FLI1: variants seen among roughly 807,000 people sequenced by gnomAD.
FLI1 encodes Fli-1 proto-oncogene, ETS transcription factor, also known as Friend leukemia integration 1 transcription factor.
FLI1 carries 13 observed loss-of-function variants against 53.1 expected under a neutral mutation model. The ratio of observed to expected loss-of-function variants is 0.24; its 90% CI spans 0.16 to 0.39. The LOEUF (loss-of-function observed/expected upper bound fraction) is 0.39. FLI1 is among the 10% of genes least tolerant of loss of function. The pLI, the probability that FLI1 is intolerant of heterozygous loss-of-function variation, is 1.00. For missense variants in FLI1, 424 were observed against 600.5 expected, an observed-to-expected ratio of 0.71 and a Z score of 3.07; for synonymous variants, 244 against 236.7, an observed-to-expected ratio of 1.03 and a Z score of -0.28.
chr11:128,695,574 T>G (rs1478996124), intron 1 of FLI1, among the ~76,000 whole-genome samples: 4 of 152,038 alleles, frequency 2.6e-5, no homozygotes, highest in African/African-American at 9.7e-5. Flanking sequence ...ATTTTCTAAG[T>G]TTTTTTTATG....
chr11:128,723,843 A>G (rs1238261877), intron 1 of FLI1, among the ~76,000 whole-genome samples: 1 of 152,142 alleles, frequency 6.6e-6, no homozygotes, highest in Non-Finnish European at 1.5e-5. Flanking sequence ...AAAACATCAC[A>G]AAAACCCAAC....
At chr11:128,794,468 G>T (rs1942371801) in intron 5 of FLI1, among the ~76,000 whole-genome samples, 2 of 151,978 alleles carry the variant, frequency 1.3e-5, no homozygotes, top group South Asian at 4.1e-4. Context: ...TCTATCTGGA[G>T]AGAGAGAGAG....
At chr11:128,702,518 A>T (rs1213520400) in intron 1 of FLI1, among the ~76,000 whole-genome samples, 1 of 152,236 alleles carries the variant, frequency 6.6e-6, no homozygotes, top group Non-Finnish European at 1.5e-5. Flanking sequence ...TCAGCCAAGG[A>T]TATTTCTTCT....
At chr11:128,727,337 G>T (rs1016483631) in intron 1 of FLI1, among the ~76,000 whole-genome samples, 2 of 152,188 alleles carry the variant, frequency 1.3e-5, no homozygotes, top group Non-Finnish European at 2.9e-5. Context: ...ATCAATAATG[G>T]CTAGTATTAT....
intron 1 of FLI1, among the ~76,000 whole-genome samples, chr11:128,688,374 G>A (rs1406342943): frequency 6.6e-6 from 1 of 152,254 alleles, no homozygotes; most frequent in Non-Finnish European, 1.5e-5. Context: ...CAGCCACAAA[G>A]TTTGTATTGT....
intron 5 of FLI1, among the ~76,000 whole-genome samples, chr11:128,796,800 C>T (rs761397662): frequency 2.6e-5 from 4 of 152,270 alleles, no homozygotes; most frequent in African/African-American, 9.6e-5. Flanking sequence ...CATGGTGAAA[C>T]CCCGTCTCTA....
intron 2 of FLI1, among the ~76,000 whole-genome samples, chr11:128,765,719 G>A (rs1158586837): frequency 6.6e-6 from 1 of 152,202 alleles, no homozygotes; most frequent in African/African-American, 2.4e-5. Context: ...CACTTGGACT[G>A]TTTCACAACT....
chr11:128,751,069 G>T (rs2135794370), intron 1 of FLI1, among the ~76,000 whole-genome samples: 1 of 152,292 alleles, frequency 6.6e-6, no homozygotes, highest in Non-Finnish European at 1.5e-5. Flanking sequence ...CCAGAGACAG[G>T]CAGAGGACTG....
intron 1 of FLI1, among the ~76,000 whole-genome samples, chr11:128,700,624 A>T (rs139820146): frequency 6.6e-6 from 1 of 152,354 alleles, no homozygotes; most frequent in Non-Finnish European, 1.5e-5. Context: ...CTGTAATCCC[A>T]GTTCTTTGGG....
At chr11:128,793,348 C>T (rs1226494962) in intron 5 of FLI1, among the ~76,000 whole-genome samples, 1 of 151,942 alleles carries the variant, frequency 6.6e-6, no homozygotes, top group Non-Finnish European at 1.5e-5. Context: ...CTCCAGCTGC[C>T]CCACCCTGCC....
intron 2 of FLI1, among the ~76,000 whole-genome samples, chr11:128,765,670 C>A (rs932347199): frequency 6.6e-6 from 1 of 152,192 alleles, no homozygotes; most frequent in Non-Finnish European, 1.5e-5. Context: ...ACCTTGCTCA[C>A]TTGGTTGCAG....
chr11:128,805,151 A>G, intron 5 of FLI1: 1 of 428,940 alleles, frequency 2.3e-6, no homozygotes, highest in Non-Finnish European at 4.1e-6. Flanking sequence ...GGTTCTTCCC[A>G]TTACTTTGGC....
At chr11:128,708,209 T>C (rs1292249586) in intron 1 of FLI1, among the ~76,000 whole-genome samples, 1 of 152,186 alleles carries the variant, frequency 6.6e-6, no homozygotes, top group Non-Finnish European at 1.5e-5. Context: ...GAGCGTTACA[T>C]GAGACACAAG....
chr11:128,757,092 C>A (rs1007910581), intron 1 of FLI1, among the ~76,000 whole-genome samples: 3 of 146,888 alleles, frequency 2.0e-5, no homozygotes, highest in African/African-American at 5.2e-5. Context: ...TTCTTTCTTT[C>A]TTTCTTTCTT....
Position 128,812,934 on chromosome 11 carries a change from G to A in FLI1, c.*1946G>A. 2 of 171,064 alleles carry A rather than the reference G, an allele frequency of 1.2e-5. No individual in the cohort carries two copies. Among genetic ancestry groups the A allele is most frequent in the African/African-American group, 2.4e-5 (1 of 41,638 alleles). The allele number at this position is 171,064 out of a possible 1,614,324, so 10.6% of individuals were successfully genotyped here. On this transcript the variant is annotated 3_prime_UTR_variant, in exon 9 of 9. Transcript: ENST00000527786. ...ATTTTCATTTTCTCTATTTTACAAT[G>A]AAAAGAGTGAGACCTGGGAAGTCCT... is the stretch of plus-strand genomic sequence containing the variant.
intron 1 of FLI1, among the ~76,000 whole-genome samples, chr11:128,701,449 C>T (rs1565455886): frequency 1.3e-5 from 2 of 152,150 alleles, no homozygotes; most frequent in African/African-American, 4.8e-5. Flanking sequence ...CACTTCACCC[C>T]AGCAAACCAA....
chr11:128,707,470 T>G (rs1282929626), intron 1 of FLI1, among the ~76,000 whole-genome samples: 1 of 152,190 alleles, frequency 6.6e-6, no homozygotes, highest in East Asian at 1.9e-4. Flanking sequence ...CAGGTGACTT[T>G]TCTAGAAACG....
chr11:128,718,827 G>A (rs1310524536), intron 1 of FLI1, among the ~76,000 whole-genome samples: 1 of 151,994 alleles, frequency 6.6e-6, no homozygotes, highest in African/African-American at 2.4e-5. Flanking sequence ...GTGCAGACTC[G>A]GTGAGACCAG....
intron 1 of FLI1, among the ~76,000 whole-genome samples, chr11:128,743,132 A>G (rs1940209540): frequency 6.6e-6 from 1 of 152,190 alleles, no homozygotes; most frequent in African/African-American, 2.4e-5. Context: ...TCATGCCCGT[A>G]ATCCTATCAC....
Sources: allele counts gnomAD v4.1 joint callset (sites outside exome capture counted in the v4.1 genomes callset), GRCh38; gene constraint gnomAD v4.1.1; transcripts MANE v1.5; gene names NCBI Gene and HGNC (gene_info 2026-07-23, HGNC 2026-07-21).